Variants in RAC2 observed in about 807,000 individuals in gnomAD.
RAC2 encodes Rac family small GTPase 2.
Under a neutral mutation model 24.0 loss-of-function variants are expected in RAC2, and 1 was observed. The ratio of observed to expected loss-of-function variants is 0.04; its 90% CI spans 0.01 to 0.20. The LOEUF (loss-of-function observed/expected upper bound fraction) is 0.20. Ranked by LOEUF, RAC2 falls within the 10% of genes least tolerant of loss-of-function variation. RAC2 has a pLI of 1.00. For missense variants in RAC2, 130 were observed against 259.1 expected (o/e 0.50, Z 3.42); for synonymous variants, 114 against 106.8 (o/e 1.07, Z -0.41).
At chr22:37,234,521 G>A (rs1482755793) in intron 2 of RAC2, among the ~76,000 whole-genome samples, 2 of 152,154 alleles carry the variant, frequency 1.3e-5, no homozygotes, top group Non-Finnish European at 2.9e-5. Context: ...CTGAGGGTTA[G>A]GGAATCACTG....
chr22:37,237,538 C>A (rs973075340), intron 2 of RAC2, among the ~76,000 whole-genome samples: 1 of 152,080 alleles, frequency 6.6e-6, no homozygotes, highest in African/African-American at 2.4e-5. Flanking sequence ...CCTGGTGGGG[C>A]CTGGCGCACA....
chr22:37,227,808 C>T (rs1477239990), intron 5 of RAC2, among the ~76,000 whole-genome samples: 2 of 151,924 alleles, frequency 1.3e-5, no homozygotes, highest in Non-Finnish European at 1.5e-5. Context: ...TTAACGTCAC[C>T]GTGCCTCAGT....
At chr22:37,242,282 G>A (rs1194917615) in intron 1 of RAC2, among the ~76,000 whole-genome samples, 1 of 152,218 alleles carries the variant, frequency 6.6e-6, no homozygotes, top group African/African-American at 2.4e-5. Flanking sequence ...CAGGGTTTGA[G>A]TCAGAGTGGT....
chr22:37,241,591 T>C lies in RAC2; in HGVS notation c.103A>G (p.Thr35Ala), dbSNP rs200262576. Residue 35 changes from threonine (T) to alanine (A), a missense_variant, in exon 2 of 7, where the codon ACC (threonine) becomes GCC (alanine). Transcript: ENST00000249071. ...TNAFPGEYIP[T>A]VFDNYSANVM... ...CACATATCCCCAGGAACTCACACGG[T>C]GGGGATGTACTCTCCGGGAAAGGCG... 1 of 1,612,720 alleles carries C rather than the reference T, an allele frequency of 6.2e-7. No individual in the cohort carries two copies. Among genetic ancestry groups the C allele is most frequent in the Non-Finnish European group, 8.5e-7 (1 of 1,178,780 alleles).
At chr22:37,233,730 G>A (rs1927144029) in intron 2 of RAC2, among the ~76,000 whole-genome samples, 1 of 152,218 alleles carries the variant, frequency 6.6e-6, no homozygotes. Context: ...TAAAGGAGGG[G>A]ACAGCAGCTG....
chr22:37,227,522 T>C (rs1601669233), intron 5 of RAC2, among the ~76,000 whole-genome samples: 2 of 29,766 alleles, frequency 6.7e-5, no homozygotes, highest in Admixed American at 4.9e-4. Flanking sequence ...CATACACCCC[T>C]CCCACGCCAT....
At chr22:37,238,898 C>A (rs1053805948) in intron 2 of RAC2, among the ~76,000 whole-genome samples, 2 of 152,190 alleles carry the variant, frequency 1.3e-5, no homozygotes, top group African/African-American at 4.8e-5. Context: ...TTGCTGTTAA[C>A]CCCTCATGGC....
intron 2 of RAC2, among the ~76,000 whole-genome samples, chr22:37,238,850 C>T (rs1243187221): frequency 6.6e-6 from 1 of 152,210 alleles, no homozygotes; most frequent in Admixed American, 6.5e-5. Flanking sequence ...ATTGGCTGCT[C>T]AGGAAGGTGT....
At chr22:37,240,188 G>A (rs957705831) in intron 2 of RAC2, among the ~76,000 whole-genome samples, 4 of 152,176 alleles carry the variant, frequency 2.6e-5, no homozygotes, top group Non-Finnish European at 5.9e-5. Context: ...AATCCTCTGG[G>A]GTGGGTTGGA....
intron 5 of RAC2, among the ~76,000 whole-genome samples, chr22:37,230,135 T>C (rs1601670883): frequency 2.6e-5 from 4 of 152,034 alleles, no homozygotes; most frequent in East Asian, 1.9e-4. Context: ...GTGTGAGCCA[T>C]AGTCTGAGGC....
chr22:37,235,936 G>A (rs537517406), intron 2 of RAC2, among the ~76,000 whole-genome samples: 1 of 152,250 alleles, frequency 6.6e-6, no homozygotes, highest in East Asian at 1.9e-4. Context: ...TGTATGTTAG[G>A]TCTTGAAGTC....
chr22:37,228,124 C>T (rs549757052), intron 5 of RAC2, among the ~76,000 whole-genome samples: 8 of 152,334 alleles, frequency 5.3e-5, no homozygotes, highest in African/African-American at 1.2e-4. Flanking sequence ...TCCTTAGCAC[C>T]GTCCCTGTCT....
intron 2 of RAC2, among the ~76,000 whole-genome samples, chr22:37,240,542 T>G (rs1376891287): frequency 6.7e-6 from 1 of 148,270 alleles, no homozygotes; most frequent in Non-Finnish European, 1.5e-5. Context: ...CCTGTGGTCC[T>G]TCCCACGATG....
chr22:37,233,104 A>T (rs754355784), intron 2 of RAC2, among the ~76,000 whole-genome samples, 186 bp from the exon 3 acceptor site: 3 of 152,152 alleles, frequency 2.0e-5, no homozygotes, highest in African/African-American at 7.2e-5. Context: ...TATATTTTTT[A>T]AAAATGTAAT....
At chr22:37,237,710 T>TC (rs538428542) in intron 2 of RAC2, among the ~76,000 whole-genome samples, 1 of 151,908 alleles carries the variant, frequency 6.6e-6, no homozygotes, top group Non-Finnish European at 1.5e-5. Context: ...CCTGCCTTCC[T>TC]CCCCGGGGTC....
intron 3 of RAC2, chr22:37,232,553 G>A (rs1927098444): frequency 1.8e-6 from 1 of 543,962 alleles, no homozygotes; most frequent in South Asian, 2.0e-5. Flanking sequence ...GAAACAGGGG[G>A]TGCCAGAGCC....
chr22:37,235,965 A>G (rs541600809), intron 2 of RAC2, among the ~76,000 whole-genome samples: 27 of 152,268 alleles, frequency 1.8e-4, no homozygotes, highest in African/African-American at 6.5e-4. Context: ...TCCAAGACAA[A>G]AGGATCTTAA....
Position 37,237,306 on chromosome 22 carries a change from T to A in RAC2, c.107+4281A>T, listed in dbSNP as rs1480519117. 6.7e-5 allele frequency among the ~76,000 whole-genome samples: 10 copies of A among 148,392 alleles called. No individual in the cohort carries two copies. In the Admixed American group the frequency reaches 6.8e-4, roughly 10 times the overall value. ...GCCAGAGGGGAACAGAGGGGGAAAC[T>A]GGCACATCAGCCAGGAGGGGAGGCC... is the stretch of plus-strand genomic sequence containing the variant. On this transcript the variant is annotated intron_variant, in intron 2 of 6. Coordinates refer to ENST00000249071, the MANE Select transcript of RAC2 (RefSeq NM_002872.5).
At chr22:37,229,048 T>C (rs1449864943) in intron 5 of RAC2, among the ~76,000 whole-genome samples, 1 of 152,154 alleles carries the variant, frequency 6.6e-6, no homozygotes, top group Non-Finnish European at 1.5e-5. Context: ...AGGGACCACA[T>C]CTGCGTCCAC....
Sources: gnomAD v4.1 joint callset for allele counts (sites outside exome capture counted in the v4.1 genomes callset) on GRCh38, gnomAD v4.1.1 for gene constraint, MANE v1.5 for transcripts, NCBI Gene and HGNC (gene_info 2026-07-23, HGNC 2026-07-21) for gene names.